TMEM243: variants seen among roughly 807,000 people sequenced by gnomAD.
TMEM243 encodes MDR1 and mitochondrial taxol resistance associated.
A neutral mutation model predicts 15.0 loss-of-function variants in TMEM243; 20 were observed. The observed-to-expected ratio is 1.33, with a 90% CI of 0.94 to 1.93. The LOEUF (loss-of-function observed/expected upper bound fraction) is 1.93, where lower values mean the gene tolerates loss of function less well. Ranked by LOEUF, TMEM243 falls within the 30% of genes most tolerant of loss-of-function variation. The pLI is 0.00. For missense variants in TMEM243, 156 were observed against 142.1 expected (o/e 1.10, Z -0.50); for synonymous variants, 72 against 52.7 (o/e 1.37, Z -1.59).
At chr7:87,199,218 C>T in intron 1 of TMEM243, 161 bp from the exon 2 acceptor site, 1 of 530,658 alleles carries the variant, frequency 1.9e-6, no homozygotes. Context: ...TGTACTGAAC[C>T]ATAAGAGTGG....
At chr7:87,220,322 G>C (rs1803437884), upstream of TMEM243, 1 of 152,388 alleles carries the variant, frequency 6.6e-6, no homozygotes, top group African/African-American at 2.4e-5. Flanking sequence ...GGAGAATCCC[G>C]CCTCGGCCCT....
chr7:87,219,319 C>G, intron 1 of TMEM243, 107 bp downstream of exon 1: 1 of 1,050,332 alleles, frequency 9.5e-7, no homozygotes, highest in Non-Finnish European at 1.5e-6. Flanking sequence ...CAGCTTCCTC[C>G]CTAAAAGTGC....
At position 87,201,867 on chromosome 7, in the gene TMEM243, T is replaced by C. The variant is rs528622958; in HGVS notation, c.79-2810A>G. Among the ~76,000 whole-genome samples, 26 of 152,328 alleles carry C rather than the reference T, an allele frequency of 1.7e-4. No homozygotes were observed. In the East Asian group the frequency reaches 4.4e-3, roughly 26 times the overall value. The stretch of plus-strand genomic sequence containing the variant: ...GAATTTTAAACCTTGTACTGTGGCT[T>C]ATTTTCACTCCACAAGGAAGCTTGA... On this transcript the variant is annotated intron_variant, in intron 1 of 3. Transcript: ENST00000257637.
At chr7:87,205,602 CTCTT>C (rs1240779897) in intron 1 of TMEM243, among the ~76,000 whole-genome samples, 1 of 152,160 alleles carries the variant, frequency 6.6e-6, no homozygotes, top group Non-Finnish European at 1.5e-5. Flanking sequence ...TGCCACCAGT[CTCTT>C]TGCTAAAACA....
intron 1 of TMEM243, among the ~76,000 whole-genome samples, chr7:87,217,220 G>A (rs935905901): frequency 2.6e-5 from 4 of 152,174 alleles, no homozygotes; most frequent in Non-Finnish European, 2.9e-5. Flanking sequence ...ATTCTTTCTC[G>A]ATGTTCTCAG....
At position 87,219,626 on chromosome 7, in the gene TMEM243, G is replaced by T. The variant is rs1803360484; in HGVS notation, c.-123C>A. The T allele has an allele frequency of 1.7e-5, 15 of 860,882 alleles. No individual in the cohort carries two copies. Among genetic ancestry groups the T allele is most frequent in the Non-Finnish European group, 2.6e-5 (14 of 541,610 alleles). 53.3% of individuals were successfully genotyped at this position (860,882 alleles called of 1,614,324 possible). A position where few individuals can be genotyped will look rare whatever the true frequency, so the allele number is the denominator to read the frequency against. Reference sequence around the variant, plus strand: ...CCCGCATAGCCGAACCCGAGTGGTCGGGGAAGCGCTGGCGCCAGGGATGGG... The same window carrying T: ...CCCGCATAGCCGAACCCGAGTGGTCTGGGAAGCGCTGGCGCCAGGGATGGG... On this transcript the variant is annotated 5_prime_UTR_variant, in exon 1 of 4. Transcript: ENST00000257637.
chr7:87,215,039 C>T (rs770326712), intron 1 of TMEM243, among the ~76,000 whole-genome samples: 4 of 152,172 alleles, frequency 2.6e-5, no homozygotes, highest in Non-Finnish European at 4.4e-5. Context: ...TTTGGGACAT[C>T]GCCTGTACTA....
intron 1 of TMEM243, among the ~76,000 whole-genome samples, chr7:87,206,005 TCA>T (rs1224318241): frequency 1.2e-4 from 18 of 152,122 alleles, no homozygotes; most frequent in Non-Finnish European, 4.4e-5. Context: ...TTTAATGGAC[TCA>T]CAGTTTCAAG....
upstream of TMEM243, among the ~76,000 whole-genome samples, chr7:87,219,889 C>T (rs1803391829): frequency 6.6e-6 from 1 of 152,250 alleles, no homozygotes; most frequent in Non-Finnish European, 1.5e-5. Context: ...GCTAGCACAG[C>T]AAATCGCAGT....
rs1803362522 is a variant in TMEM243, at chr7:87,219,653, G to A, written c.-150C>T. On this transcript the variant is annotated 5_prime_UTR_variant, in exon 1 of 4. Coordinates refer to ENST00000257637, the MANE Select transcript of TMEM243 (RefSeq NM_024315.4). ...GGAAGCGCTGGCGCCAGGGATGGGT[G>A]GGGGCTCACACGCGGGGAACGCGAC... The A allele has an allele frequency of 3.0e-6, 2 of 669,148 alleles. No homozygotes were observed. Among genetic ancestry groups the A allele is most frequent in the East Asian group, 2.7e-5 (1 of 36,458 alleles). The allele number at this position is 669,148 out of a possible 1,614,324, so 41.5% of individuals were successfully genotyped here. A position where few individuals can be genotyped will look rare whatever the true frequency, so the allele number is the denominator to read the frequency against.
At chr7:87,215,040 G>A (rs1030370759) in intron 1 of TMEM243, among the ~76,000 whole-genome samples, 4 of 152,218 alleles carry the variant, frequency 2.6e-5, no homozygotes, top group East Asian at 1.9e-4. Context: ...TTGGGACATC[G>A]CCTGTACTAG....
chr7:87,219,958 C>A (rs974628015), upstream of TMEM243, among the ~76,000 whole-genome samples: 36 of 152,242 alleles, frequency 2.4e-4, no homozygotes, highest in Non-Finnish European at 4.4e-4. Flanking sequence ...AATAATTTCC[C>A]ATGTTTTCCC....
intron 1 of TMEM243, among the ~76,000 whole-genome samples, chr7:87,217,779 G>A (rs1803217047): frequency 6.6e-6 from 1 of 152,202 alleles, no homozygotes; most frequent in Non-Finnish European, 1.5e-5. Context: ...CGCAATAAAA[G>A]ATACATTTGG....
intron 3 of TMEM243, chr7:87,197,600 T>A (rs1801404829): frequency 6.7e-6 from 4 of 597,218 alleles, no homozygotes; most frequent in Non-Finnish European, 1.0e-5. Context: ...TAACTGGCAT[T>A]TCCCAAAGAC....
intron 1 of TMEM243, among the ~76,000 whole-genome samples, chr7:87,209,637 CGAGA>C (rs200209818): frequency 5.4e-5 from 5 of 91,766 alleles, no homozygotes; most frequent in African/African-American, 8.7e-5. Flanking sequence ...AGATAGAGAG[CGAGA>C]GAGACAGTGA....
chr7:87,201,710 T>C (rs1031873672), intron 1 of TMEM243, among the ~76,000 whole-genome samples: 6 of 152,346 alleles, frequency 3.9e-5, no homozygotes, highest in African/African-American at 1.4e-4. Context: ...ATGGAGTAAA[T>C]TGAAACTCAT....
chr7:87,219,320 C>T (rs549493522), intron 1 of TMEM243, 106 bp downstream of exon 1: 2 of 1,086,798 alleles, frequency 1.8e-6, no homozygotes, highest in Admixed American at 1.9e-5. Context: ...AGCTTCCTCC[C>T]TAAAAGTGCT....
chr7:87,198,010 T>C lies in TMEM243; in HGVS notation c.165A>G (p.Leu55=), dbSNP rs1215170414. 1 of 1,612,634 alleles carries C rather than the reference T, an allele frequency of 6.2e-7. No individual in the cohort carries two copies. Among genetic ancestry groups the C allele is most frequent in the Admixed American group, 1.7e-5 (1 of 59,948 alleles). Residue 55 remains leucine, a synonymous_variant, in exon 3 of 4, where the codon CTA becomes CTG. Transcript: ENST00000257637. ...TLISAFVFPQ[L]PPKPLNIFFA... is the part of the protein sequence containing the mutation. ...AGAATATATTCAACGGTTTTGGAGGTAGTTGAGGGAAAACAAAAGCACTTA... is the reference window on the plus strand; with the variant it reads ...AGAATATATTCAACGGTTTTGGAGGCAGTTGAGGGAAAACAAAAGCACTTA...
In TMEM243 at chr7:87,198,989, C is replaced by G. The variant is rs1246170510; in HGVS notation, c.129+18G>C. On this transcript the variant is annotated intron_variant, in intron 2 of 3. Coordinates refer to ENST00000257637, the MANE Select transcript of TMEM243 (RefSeq NM_024315.4). Reference sequence around the variant, plus strand: ...ACTGGCTAAGAGCCTGGGTGAGGCACAAAATGAGGATACTTACTAGAATCA... The same window carrying G: ...ACTGGCTAAGAGCCTGGGTGAGGCAGAAAATGAGGATACTTACTAGAATCA... 1.3e-6 allele frequency: 2 copies of G among 1,585,480 alleles called. No homozygotes were observed. Among genetic ancestry groups the G allele is most frequent in the Non-Finnish European group, 1.7e-6 (2 of 1,170,146 alleles).
Sources: gnomAD v4.1 joint callset for allele counts (sites outside exome capture counted in the v4.1 genomes callset) on GRCh38, gnomAD v4.1.1 for gene constraint, MANE v1.5 for transcripts, NCBI Gene and HGNC (gene_info 2026-07-23, HGNC 2026-07-21) for gene names.